The following DENND5B variants were observed in gnomAD, a reference collection of about 807,000 sequenced individuals.
DENND5B encodes the protein DENN domain containing 5B.
Under a neutral mutation model 140.6 loss-of-function variants are expected in DENND5B, and 34 were observed. The observed-to-expected ratio is 0.24, with a 90% CI of 0.18 to 0.32. The LOEUF is 0.32. DENND5B is among the 10% of genes least tolerant of loss of function. DENND5B has a pLI of 1.00. For missense variants in DENND5B, 1,142 were observed against 1,560.2 expected, an observed-to-expected ratio of 0.73 and a Z score of 4.52; for synonymous variants, 551 against 562.1, an observed-to-expected ratio of 0.98 and a Z score of 0.28.
At chr12:31,434,027 A>C (rs1943634103) in intron 7 of DENND5B, among the ~76,000 whole-genome samples, 1 of 152,212 alleles carries the variant, frequency 6.6e-6, no homozygotes, top group South Asian at 2.1e-4. Flanking sequence ...CATAAGAGTG[A>C]GTCCTCATCT....
intron 4 of DENND5B, among the ~76,000 whole-genome samples, chr12:31,459,316 C>T (rs1055463281): frequency 1.6e-4 from 24 of 152,178 alleles, no homozygotes; most frequent in Admixed American, 1.2e-3. Context: ...ATTTTTGAGA[C>T]GGAATCTCGC....
At chr12:31,394,615 C>CTTTTTT (rs33960412) in intron 17 of DENND5B, among the ~76,000 whole-genome samples, 2 of 137,606 alleles carry the variant, frequency 1.5e-5, no homozygotes, top group Non-Finnish European at 1.6e-5. Context: ...ACCCTGTGCT[C>CTTTTTT]TTTTTTTTTT....
At chr12:31,533,729 T>C (rs1352008388) in intron 1 of DENND5B, among the ~76,000 whole-genome samples, 1 of 152,170 alleles carries the variant, frequency 6.6e-6, no homozygotes, top group Non-Finnish European at 1.5e-5. Context: ...ACCATTAGAA[T>C]AAAGATCACA....
intron 6 of DENND5B, among the ~76,000 whole-genome samples, chr12:31,446,760 T>C (rs1300217362): frequency 6.6e-6 from 1 of 150,656 alleles, no homozygotes; most frequent in East Asian, 2.0e-4. Context: ...CCGGGTGTGG[T>C]GGTGGGCGCC....
At chr12:31,516,474 T>A (rs1339359813) in intron 1 of DENND5B, among the ~76,000 whole-genome samples, 3 of 133,420 alleles carry the variant, frequency 2.2e-5, no homozygotes, top group Non-Finnish European at 4.6e-5. Context: ...TGAGACCCTG[T>A]CTCAAAAAAA....
At chr12:31,539,757 ACT>A (rs1400842326) in intron 1 of DENND5B, among the ~76,000 whole-genome samples, 1 of 151,520 alleles carries the variant, frequency 6.6e-6, no homozygotes, top group African/African-American at 2.4e-5. Flanking sequence ...TATATGACAG[ACT>A]CTCAGCTAGT....
chr12:31,515,535 C>A (rs1410584367), intron 1 of DENND5B, among the ~76,000 whole-genome samples: 1 of 152,032 alleles, frequency 6.6e-6, no homozygotes, highest in African/African-American at 2.4e-5. Flanking sequence ...AATTTTATTG[C>A]CATAAATGTT....
intron 1 of DENND5B, among the ~76,000 whole-genome samples, chr12:31,507,118 G>C (rs553819656): frequency 3.3e-5 from 5 of 151,932 alleles, no homozygotes; most frequent in Non-Finnish European, 1.5e-5. Flanking sequence ...CATTCCCGTC[G>C]TCACTCAGGA....
chr12:31,564,365 G>A (rs1218142300), intron 1 of DENND5B, among the ~76,000 whole-genome samples: 1 of 151,926 alleles, frequency 6.6e-6, no homozygotes, highest in Non-Finnish European at 1.5e-5. Context: ...GAAGGTAAGA[G>A]TATGTGAGGA....
intron 8 of DENND5B, among the ~76,000 whole-genome samples, chr12:31,428,204 A>G (rs1162586056): frequency 6.6e-6 from 1 of 151,578 alleles, no homozygotes; most frequent in Non-Finnish European, 1.5e-5. Flanking sequence ...AAATACAAAA[A>G]TGTGGCGGGT....
chr12:31,556,187 C>T (rs375681742), intron 1 of DENND5B, among the ~76,000 whole-genome samples: 76 of 152,250 alleles, frequency 5.0e-4, no homozygotes, highest in African/African-American at 1.7e-3. Context: ...TCCTATTTGG[C>T]CATCTTGGCT....
chr12:31,590,620 G>A, intron 1 of DENND5B, 86 bp downstream of exon 1: 1 of 1,350,966 alleles, frequency 7.4e-7, no homozygotes, highest in African/African-American at 1.6e-5. Flanking sequence ...GACTTTGTCT[G>A]GAGCCTGCAC....
At chr12:31,426,469 CTTCTA>C in intron 8 of DENND5B, 45 bp from the exon 9 acceptor site, 1 of 1,570,216 alleles carries the variant, frequency 6.4e-7, no homozygotes, top group South Asian at 1.2e-5. Context: ...ATTAGCTATT[CTTCTA>C]ATCTTCTTAA....
At chr12:31,541,452 T>C (rs1464487030) in intron 1 of DENND5B, among the ~76,000 whole-genome samples, 1 of 152,182 alleles carries the variant, frequency 6.6e-6, no homozygotes, top group African/African-American at 2.4e-5. Flanking sequence ...TACGAAAAGC[T>C]GCTCAACATC....
At chr12:31,584,505 C>G (rs1230701749) in intron 1 of DENND5B, among the ~76,000 whole-genome samples, 1 of 152,176 alleles carries the variant, frequency 6.6e-6, no homozygotes, top group African/African-American at 2.4e-5. Flanking sequence ...ATACCTGAGG[C>G]TGGGTAGTCT....
chr12:31,544,956 G>A (rs1948808168), intron 1 of DENND5B, among the ~76,000 whole-genome samples: 1 of 149,964 alleles, frequency 6.7e-6, no homozygotes, highest in African/African-American at 2.5e-5. Flanking sequence ...CAAAATATGG[G>A]ACATTCTACA....
At chr12:31,446,915 A>AAAAGAG (rs1944301831) in intron 6 of DENND5B, among the ~76,000 whole-genome samples, 1 of 151,696 alleles carries the variant, frequency 6.6e-6, no homozygotes, top group African/African-American at 2.4e-5. Context: ...AAGAAAAAGA[A>AAAAGAG]AAAGAAACAT....
In DENND5B at chr12:31,478,531, C is replaced by T. The variant is rs146017881; in HGVS notation, c.904+1058G>A. The stretch of plus-strand genomic sequence containing the variant: ...AGTCCAGGGCAAGACAGTGACAGTC[C>T]GTCTCTACAAAAAATAAAAAATTAG... On this transcript the variant is annotated intron_variant, in intron 3 of 20. Transcript: ENST00000389082. Among the ~76,000 whole-genome samples the T allele has an allele frequency of 9.6e-3, 1,462 of 151,968 alleles. 27 individuals are homozygous for T. The highest frequency in any genetic ancestry group is 0.033 in the African/African-American group (1,384 of 41,464).
chr12:31,427,881 C>T (rs1206929232), intron 8 of DENND5B, among the ~76,000 whole-genome samples: 1 of 151,978 alleles, frequency 6.6e-6, no homozygotes, highest in Admixed American at 6.6e-5. Context: ...AAATCCTTTG[C>T]ATTCTTTAAA....
Sources: allele counts gnomAD v4.1 joint callset (sites outside exome capture counted in the v4.1 genomes callset), GRCh38; gene constraint gnomAD v4.1.1; transcripts MANE v1.5; gene names NCBI Gene and HGNC (gene_info 2026-07-23, HGNC 2026-07-21).